Variants in GALNT17 observed in about 807,000 individuals in gnomAD.
GALNT17 encodes UDP-GalNAc:polypeptide N-acetylgalactosaminyltransferase-like 3.
Under a neutral mutation model 63.7 loss-of-function variants are expected in GALNT17, and 29 were observed. The ratio of observed to expected loss-of-function variants is 0.46; its 90% CI spans 0.34 to 0.62. The LOEUF (loss-of-function observed/expected upper bound fraction) is 0.62. Ranked by LOEUF, GALNT17 falls within the 20% of genes least tolerant of loss-of-function variation. The pLI is 0.01. For missense variants in GALNT17, 603 were observed against 799.6 expected, an observed-to-expected ratio of 0.75 and a Z score of 2.97; for synonymous variants, 305 against 318.3, an observed-to-expected ratio of 0.96 and a Z score of 0.45.
At chr7:71,409,621 CA>C (rs1793395759) in intron 3 of GALNT17, among the ~76,000 whole-genome samples, 1 of 152,132 alleles carries the variant, frequency 6.6e-6, no homozygotes, top group Non-Finnish European at 1.5e-5. Context: ...GGCCACTTCC[CA>C]AGTACACATA....
intron 5 of GALNT17, among the ~76,000 whole-genome samples, chr7:71,552,315 G>GC (rs1789093956): frequency 2.0e-5 from 3 of 152,074 alleles, no homozygotes; most frequent in African/African-American, 7.2e-5. Flanking sequence ...ACAGTGCTAG[G>GC]ATTACAGGCG....
intron 1 of GALNT17, among the ~76,000 whole-genome samples, chr7:71,175,198 A>G (rs994505884): frequency 2.6e-5 from 4 of 151,504 alleles, no homozygotes; most frequent in African/African-American, 4.9e-5. Flanking sequence ...CCGTCTATCT[A>G]TCCCTCCATC....
At chr7:71,694,226 A>G (rs1476961608) in intron 9 of GALNT17, among the ~76,000 whole-genome samples, 1 of 152,038 alleles carries the variant, frequency 6.6e-6, no homozygotes, top group African/African-American at 2.4e-5. Context: ...TGTTTCAATT[A>G]CCTCCCACTT....
intron 2 of GALNT17, among the ~76,000 whole-genome samples, chr7:71,371,545 G>C (rs1275756864): frequency 6.6e-6 from 1 of 151,976 alleles, no homozygotes; most frequent in Non-Finnish European, 1.5e-5. Flanking sequence ...TCACTCTTTT[G>C]TTATTGCTGT....
intron 2 of GALNT17, among the ~76,000 whole-genome samples, chr7:71,384,707 TTG>T (rs1281151519): frequency 1.3e-5 from 2 of 152,214 alleles, no homozygotes; most frequent in African/African-American, 4.8e-5. Flanking sequence ...TGTCATTGCA[TTG>T]TGAGTCTAGC....
intron 3 of GALNT17, among the ~76,000 whole-genome samples, chr7:71,404,194 T>C (rs184257306): frequency 6.6e-6 from 1 of 152,318 alleles, no homozygotes; most frequent in African/African-American, 2.4e-5. Context: ...GAAGAAGCAG[T>C]AGAGATGAAT....
chr7:71,164,402 A>G (rs1400804446), intron 1 of GALNT17, among the ~76,000 whole-genome samples: 1 of 152,206 alleles, frequency 6.6e-6, no homozygotes, highest in Non-Finnish European at 1.5e-5. Flanking sequence ...CTCACTCACT[A>G]TCATGAGAAC....
chr7:71,175,474 T>A (rs1788621952), intron 1 of GALNT17, among the ~76,000 whole-genome samples: 1 of 152,246 alleles, frequency 6.6e-6, no homozygotes, highest in African/African-American at 2.4e-5. Flanking sequence ...ATATCTTATC[T>A]ACTATCTGTA....
At chr7:71,608,672 C>T (rs1243869440) in intron 6 of GALNT17, among the ~76,000 whole-genome samples, 1 of 152,046 alleles carries the variant, frequency 6.6e-6, no homozygotes, top group Admixed American at 6.6e-5. Context: ...CAGTGGAGAG[C>T]TGAAAGTGGA....
In GALNT17 at chr7:71,557,694, G is replaced by A. The variant is rs540833111; in HGVS notation, c.963-13591G>A. Among the ~76,000 whole-genome samples, 17 of 152,258 alleles carry A rather than the reference G, an allele frequency of 1.1e-4. No individual in the cohort carries two copies. In the South Asian group the frequency reaches 3.5e-3, roughly 32 times the overall value. On this transcript the variant is annotated intron_variant, in intron 5 of 10. Coordinates refer to ENST00000333538, the MANE Select transcript of GALNT17 (RefSeq NM_022479.3). ...TAATCCCAGATACTCGGGAGGCTGAGGCAGGAGAATCGCTTGAACCCGGGA... is the reference window on the plus strand; with the variant it reads ...TAATCCCAGATACTCGGGAGGCTGAAGCAGGAGAATCGCTTGAACCCGGGA...
intron 9 of GALNT17, among the ~76,000 whole-genome samples, chr7:71,692,323 T>C (rs1440568381): frequency 6.6e-6 from 1 of 152,200 alleles, no homozygotes; most frequent in East Asian, 1.9e-4. Flanking sequence ...CTATTATTAT[T>C]ACTGAAGGTT....
intron 5 of GALNT17, among the ~76,000 whole-genome samples, chr7:71,564,133 C>T (rs1265178581): frequency 6.6e-6 from 1 of 152,060 alleles, no homozygotes; most frequent in Non-Finnish European, 1.5e-5. Context: ...TTGGTGTTTG[C>T]AGAACAGAGG....
intron 5 of GALNT17, among the ~76,000 whole-genome samples, chr7:71,565,426 C>T (rs1789326351): frequency 6.6e-6 from 1 of 151,944 alleles, no homozygotes; most frequent in African/African-American, 2.4e-5. Flanking sequence ...TCTCTCCTTT[C>T]CTCTCCCCTT....
At chr7:71,449,966 C>T (rs552531209) in intron 5 of GALNT17, among the ~76,000 whole-genome samples, 16 of 151,280 alleles carry the variant, frequency 1.1e-4, no homozygotes, top group Non-Finnish European at 2.1e-4. Context: ...CACTTGAACC[C>T]GGGACGCAGA....
Position 71,420,994 on chromosome 7 carries a change from A to G in GALNT17, c.851A>G (p.Glu284Gly). The G allele has an allele frequency of 1.2e-6, 2 of 1,614,096 alleles. No individual in the cohort carries two copies. Reference protein sequence around the residue: ...SIDNIKQDNFEVQRYENSAHG... With the variant: ...SIDNIKQDNFGVQRYENSAHG... Reference sequence around the variant, plus strand: ...GACAACATCAAACAGGACAACTTTGAGGTGCAGCGGTACGAGAACTCGGCC... The same window carrying G: ...GACAACATCAAACAGGACAACTTTGGGGTGCAGCGGTACGAGAACTCGGCC... Residue 284 changes from glutamate (E) to glycine (G), a missense_variant, in exon 5 of 11, where the codon GAG becomes GGG. Glu to Gly is a moderately conservative substitution (Grantham distance 98, BLOSUM62 -2). Transcript: ENST00000333538.
intron 1 of GALNT17, among the ~76,000 whole-genome samples, chr7:71,225,400 G>T (rs1789663028): frequency 6.6e-6 from 1 of 152,174 alleles, no homozygotes; most frequent in Non-Finnish European, 1.5e-5. Context: ...CTGTTTCCAG[G>T]CTGGCCAGAG....
chr7:71,167,459 G>C (rs1281642447), intron 1 of GALNT17, among the ~76,000 whole-genome samples: 1 of 151,820 alleles, frequency 6.6e-6, no homozygotes, highest in African/African-American at 2.4e-5. Flanking sequence ...TTTTGTTACT[G>C]AGTTTTGAGA....
At chr7:71,316,655 G>A (rs1276438992) in intron 1 of GALNT17, among the ~76,000 whole-genome samples, 3 of 152,188 alleles carry the variant, frequency 2.0e-5, no homozygotes, top group African/African-American at 7.2e-5. Context: ...ACCCATACCC[G>A]CATACCTAGG....
intron 6 of GALNT17, among the ~76,000 whole-genome samples, chr7:71,655,032 C>T (rs904471528): frequency 1.3e-5 from 2 of 152,070 alleles, no homozygotes; most frequent in Non-Finnish European, 2.9e-5. Flanking sequence ...TCAGGTGATC[C>T]GCCCACCTCA....
Sources: allele counts gnomAD v4.1 joint callset (sites outside exome capture counted in the v4.1 genomes callset), GRCh38; gene constraint gnomAD v4.1.1; transcripts MANE v1.5; gene names NCBI Gene and HGNC (gene_info 2026-07-23, HGNC 2026-07-21).